The following ADGRG7 variants were observed in gnomAD, a reference collection of about 807,000 sequenced individuals.
ADGRG7 encodes the protein G-protein coupled receptor 128.
ADGRG7 carries 82 observed loss-of-function variants against 88.6 expected under a neutral mutation model. The observed-to-expected ratio is 0.93, with a 90% CI of 0.77 to 1.11. The LOEUF (loss-of-function observed/expected upper bound fraction) is 1.11. ADGRG7 is among the 50% of genes most tolerant of loss of function. The pLI is 0.00. For synonymous variants in ADGRG7, 381 were observed against 345.2 expected (o/e 1.10, Z -1.15); for missense variants, 945 against 953.4 (o/e 0.99, Z 0.12).
At position 100,692,456 on chromosome 3, in the gene ADGRG7, A is replaced by C. The variant is rs114375957; in HGVS notation, c.2137-2288A>C. Among the ~76,000 whole-genome samples, 370 of 152,346 alleles carry C rather than the reference A, an allele frequency of 2.4e-3. 3 individuals are homozygous for C. Among genetic ancestry groups the C allele is most frequent in the African/African-American group, 8.4e-3 (351 of 41,584 alleles). On this transcript the variant is annotated intron_variant, in intron 15 of 15. Coordinates refer to ENST00000273352, the MANE Select transcript of ADGRG7 (RefSeq NM_032787.3). ...GAGGAATCTGAATGAAGGCACAGTC[A>C]AGGATTTTCTCTTCTCCATGCATAG...
intron 11 of ADGRG7, among the ~76,000 whole-genome samples, chr3:100,653,051 C>T (rs1012924762): frequency 2.6e-5 from 4 of 152,304 alleles, no homozygotes; most frequent in African/African-American, 9.6e-5. Flanking sequence ...GCAAGCATTT[C>T]CCAAAATGTG....
Position 100,695,107 on chromosome 3 carries a change from T to C in ADGRG7, c.*106T>C, listed in dbSNP as rs559781528. The C allele has an allele frequency of 1.3e-5, 15 of 1,183,276 alleles. No individual in the cohort carries two copies. In the South Asian group the frequency reaches 2.1e-4, roughly 17 times the overall value. The allele number at this position is 1,183,276 out of a possible 1,614,324, so 73.3% of individuals were successfully genotyped here. Reference sequence around the variant, plus strand: ...CTCAGAAAGTCTTCCTCAATGTATTTTGCTCAGGATTAAGAATTAGATAAA... The same window carrying C: ...CTCAGAAAGTCTTCCTCAATGTATTCTGCTCAGGATTAAGAATTAGATAAA... On this transcript the variant is annotated 3_prime_UTR_variant, in exon 16 of 16. Transcript: ENST00000273352.
chr3:100,672,183 C>T (rs138363010), intron 15 of ADGRG7, among the ~76,000 whole-genome samples: 5 of 152,254 alleles, frequency 3.3e-5, no homozygotes, highest in African/African-American at 9.6e-5. Context: ...TATTCCTATC[C>T]ATGAGCATGG....
At chr3:100,629,537 G>T in intron 1 of ADGRG7, 61 bp from the exon 2 acceptor site, 1 of 1,144,666 alleles carries the variant, frequency 8.7e-7, no homozygotes, top group Non-Finnish European at 1.3e-6. Context: ...GTGGCCACAG[G>T]CATGAAAGGA....
chr3:100,610,170 T>C (rs1707126588), intron 1 of ADGRG7, among the ~76,000 whole-genome samples, 199 bp downstream of exon 1: 1 of 152,116 alleles, frequency 6.6e-6, no homozygotes, highest in Admixed American at 6.5e-5. Flanking sequence ...TGGGTGTGAG[T>C]GGGCAGGGGG....
At chr3:100,654,551 G>T in intron 11 of ADGRG7, 3 of 268,342 alleles carry the variant, frequency 1.1e-5, no homozygotes, top group Non-Finnish European at 7.1e-6. Context: ...GGTTCACTGG[G>T]GGCCATTTTT....
intron 1 of ADGRG7, among the ~76,000 whole-genome samples, chr3:100,611,697 C>G (rs574944318): frequency 1.5e-4 from 23 of 152,290 alleles, no homozygotes; most frequent in South Asian, 8.3e-4. Context: ...ATATAAGGGT[C>G]ATCTCTTAGC....
At chr3:100,634,088 A>G (rs1442781282) in intron 4 of ADGRG7, among the ~76,000 whole-genome samples, 1 of 152,230 alleles carries the variant, frequency 6.6e-6, no homozygotes, top group Non-Finnish European at 1.5e-5. Context: ...TCAGGGCAGT[A>G]TCTATGAGCA....
At chr3:100,646,211 G>T (rs1707742160) in intron 9 of ADGRG7, 103 bp downstream of exon 9, 2 of 627,930 alleles carry the variant, frequency 3.2e-6, no homozygotes, top group Admixed American at 3.4e-5. Flanking sequence ...GAAGAGAATA[G>T]GAGGGCGGGG....
chr3:100,630,907 C>A, intron 3 of ADGRG7, 98 bp downstream of exon 3: 2 of 543,558 alleles, frequency 3.7e-6, no homozygotes, highest in Non-Finnish European at 6.1e-6. Flanking sequence ...TGAAGGGCAT[C>A]AGGAAAGGTT....
intron 15 of ADGRG7, among the ~76,000 whole-genome samples, chr3:100,691,242 A>G (rs2094993225): frequency 6.6e-6 from 1 of 152,032 alleles, no homozygotes; most frequent in African/African-American, 2.4e-5. Flanking sequence ...GAGTGACCCG[A>G]TTTTCCAGGT....
Position 100,615,635 on chromosome 3 carries a change from G to A in ADGRG7, c.115+5664G>A, listed in dbSNP as rs115107355. 3.5e-3 allele frequency among the ~76,000 whole-genome samples: 538 copies of A among 152,286 alleles called. 5 individuals are homozygous for A. Among genetic ancestry groups the A allele is most frequent in the Non-Finnish European group, 5.3e-3 (363 of 68,010 alleles). On this transcript the variant is annotated intron_variant, in intron 1 of 15. Coordinates refer to ENST00000273352, the MANE Select transcript of ADGRG7 (RefSeq NM_032787.3). ...TTTAAGAAATGACTCTTGACTTACA[G>A]CAAAAAGACAGAAGGAGTAGACATG...
intron 15 of ADGRG7, among the ~76,000 whole-genome samples, chr3:100,672,457 C>A (rs1185834563): frequency 6.6e-6 from 1 of 152,180 alleles, no homozygotes; most frequent in Non-Finnish European, 1.5e-5. Flanking sequence ...AGATTTTGGG[C>A]TGAGACGATG....
intron 15 of ADGRG7, among the ~76,000 whole-genome samples, chr3:100,679,383 C>G (rs116576507): frequency 6.6e-6 from 1 of 152,214 alleles, no homozygotes; most frequent in African/African-American, 2.4e-5. Context: ...GTCCAGTAAT[C>G]CTGTCCAGGA....
At chr3:100,688,846 A>G (rs1345371589) in intron 15 of ADGRG7, among the ~76,000 whole-genome samples, 89 of 152,158 alleles carry the variant, frequency 5.8e-4, no homozygotes, top group Non-Finnish European at 4.4e-5. Flanking sequence ...AAAAGAATGT[A>G]TATTCTGTTG....
intron 1 of ADGRG7, among the ~76,000 whole-genome samples, chr3:100,615,968 C>A (rs1480585227): frequency 1.3e-5 from 2 of 151,572 alleles, no homozygotes; most frequent in Non-Finnish European, 2.9e-5. Flanking sequence ...CCCAAAGAAG[C>A]ATTAAATAAC....
At chr3:100,686,810 G>T (rs1282322640) in intron 15 of ADGRG7, among the ~76,000 whole-genome samples, 2 of 152,218 alleles carry the variant, frequency 1.3e-5, no homozygotes, top group Non-Finnish European at 2.9e-5. Context: ...CAGGTAGCAT[G>T]ATGCCTCCAG....
intron 1 of ADGRG7, 152 bp from the exon 2 acceptor site, chr3:100,629,446 T>C (rs2149016713): frequency 1.0e-5 from 6 of 575,502 alleles, no homozygotes; most frequent in South Asian, 1.0e-4. Flanking sequence ...ATTCTCAGTG[T>C]ATATTTTATT....
intron 1 of ADGRG7, among the ~76,000 whole-genome samples, chr3:100,610,901 G>T (rs1438455726): frequency 6.6e-6 from 1 of 152,182 alleles, no homozygotes; most frequent in Admixed American, 6.5e-5. Flanking sequence ...ATGGAGCATG[G>T]CTGCAAAGAT....
Sources: allele counts gnomAD v4.1 joint callset (sites outside exome capture counted in the v4.1 genomes callset), GRCh38; gene constraint gnomAD v4.1.1; transcripts MANE v1.5; gene names NCBI Gene and HGNC (gene_info 2026-07-23, HGNC 2026-07-21).